The following ZFP1 variants were observed in gnomAD, a reference collection of about 807,000 sequenced individuals.
ZFP1 encodes zinc finger protein 1 homolog.
ZFP1 carries 32 observed loss-of-function variants against 38.5 expected under a neutral mutation model. The ratio of observed to expected loss-of-function variants is 0.83; its 90% CI spans 0.63 to 1.12. The LOEUF (loss-of-function observed/expected upper bound fraction) is 1.12, where lower values mean the gene tolerates loss of function less well. Among genes scored for constraint, ZFP1 ranks in the 50% most tolerant of loss-of-function variants. The probability of loss-of-function intolerance (pLI) is 0.00; values close to 1 mark genes in which losing one functional copy is unlikely to be tolerated. For synonymous variants in ZFP1, 245 were observed against 168.8 expected, an observed-to-expected ratio of 1.45 and a Z score of -3.50; for missense variants, 616 against 480.8, an observed-to-expected ratio of 1.28 and a Z score of -2.63.
At chr16:75,123,825 C>T in the ZFP1 span, among the ~76,000 whole-genome samples, 1 of 150,298 alleles carries the variant, frequency 6.7e-6, no homozygotes, top group Non-Finnish European at 1.5e-5. Flanking sequence ...GGTGTGGTGG[C>T]TCACACCTGT....
chr16:75,121,990 A>G, the ZFP1 span, among the ~76,000 whole-genome samples: 2 of 152,140 alleles, frequency 1.3e-5, no homozygotes, highest in African/African-American at 4.8e-5. Context: ...AAAACTGTAT[A>G]CCCAGCCCAA....
the ZFP1 span, among the ~76,000 whole-genome samples, chr16:75,135,262 C>CCAACTGTAAG: frequency 6.5e-5 from 1 of 15,494 alleles, no homozygotes; most frequent in African/African-American, 3.3e-4. Flanking sequence ...AGATCCTTCA[C>CCAACTGTAAG]TCATTCATAC....
In ZFP1 at chr16:75,166,832, C is replaced by G; in HGVS notation, c.78C>G (p.Asp26Glu). Residue 26 changes from aspartate to glutamate, a missense_variant, in exon 3 of 4, where the codon GAC (aspartate) becomes GAG (glutamate). Transcript: ENST00000570010. ...CCCAGGAGGAATGGGAACAACTGGA[C>G]CCCTCTCAGAGGATCCTATACATGG... ...DFTQEEWEQL[D>E]PSQRILYMDV... 6.2e-7 allele frequency: 1 copy of G among 1,614,138 alleles called. No individual in the cohort carries two copies. Among genetic ancestry groups the G allele is most frequent in the Non-Finnish European group, 8.5e-7 (1 of 1,180,018 alleles).
Position 75,171,730 on chromosome 16 carries a change from C to T in ZFP1, c.*1396C>T, listed in dbSNP as rs1267756123. 1 of 152,194 alleles carries T rather than the reference C, an allele frequency of 6.6e-6. No individual in the cohort carries two copies. The highest frequency in any genetic ancestry group is 1.5e-5 in the Non-Finnish European group (1 of 68,044). The allele number at this position is 152,194 out of a possible 1,614,324, so 9.4% of individuals were successfully genotyped here. A position where few individuals can be genotyped will look rare whatever the true frequency, so the allele number is the denominator to read the frequency against. On this transcript the variant is annotated 3_prime_UTR_variant, in exon 4 of 4. Coordinates refer to ENST00000570010, the MANE Select transcript of ZFP1 (RefSeq NM_153688.4). Reference sequence around the variant, plus strand: ...TTTGGATATCATTGATGTGCTGTCACACTATATATTGAGTGACTTTCTGAA... The same window carrying T: ...TTTGGATATCATTGATGTGCTGTCATACTATATATTGAGTGACTTTCTGAA...
chr16:75,138,024 C>CTTTTTTTTTTTTTTTT, the ZFP1 span, among the ~76,000 whole-genome samples: 1 of 64,936 alleles, frequency 1.5e-5, no homozygotes, highest in African/African-American at 7.4e-5. Context: ...CTCCCACTTC[C>CTTTTTTTTTTTTTTTT]TTTTTTTTTT....
chr16:75,168,248 T>G (rs1244380594), intron 3 of ZFP1, among the ~76,000 whole-genome samples: 1 of 152,208 alleles, frequency 6.6e-6, no homozygotes, highest in African/African-American at 2.4e-5. Flanking sequence ...TGAACTAATT[T>G]AAATTCCCAC....
intron 2 of ZFP1, among the ~76,000 whole-genome samples, chr16:75,161,199 C>T (rs961324379): frequency 8.5e-5 from 13 of 152,118 alleles, no homozygotes; most frequent in African/African-American, 2.9e-4. Flanking sequence ...TCCCGAGTAG[C>T]TGGGATTACA....
At chr16:75,158,331 T>A (rs1330965495) in intron 2 of ZFP1, among the ~76,000 whole-genome samples, 1 of 151,198 alleles carries the variant, frequency 6.6e-6, no homozygotes, top group Non-Finnish European at 1.5e-5. Flanking sequence ...CCTATTTCTG[T>A]CTATTTTTTT....
the ZFP1 span, among the ~76,000 whole-genome samples, chr16:75,131,319 G>A: frequency 2.6e-5 from 4 of 152,122 alleles, no homozygotes; most frequent in Non-Finnish European, 5.9e-5. Context: ...TTGAGGATGA[G>A]CAGCAGTTTT....
the ZFP1 span, among the ~76,000 whole-genome samples, chr16:75,125,136 G>A: frequency 0.38 from 58,000 of 151,764 alleles, 12,280 homozygotes; most frequent in Middle Eastern, 0.55. Flanking sequence ...GCACGCACCT[G>A]TAATCCCAGC....
chr16:75,168,409 G>A (rs188606638), intron 3 of ZFP1, among the ~76,000 whole-genome samples: 8 of 151,900 alleles, frequency 5.3e-5, no homozygotes, highest in Admixed American at 1.3e-4. Flanking sequence ...AGCCCAGGAG[G>A]TCAAGGCTGC....
the ZFP1 span, among the ~76,000 whole-genome samples, chr16:75,123,778 A>G: frequency 6.6e-6 from 1 of 150,882 alleles, no homozygotes; most frequent in Non-Finnish European, 1.5e-5. Context: ...ACACAGGCCA[A>G]AAACATTCTT....
At chr16:75,124,266 C>A in the ZFP1 span, among the ~76,000 whole-genome samples, 2 of 149,480 alleles carry the variant, frequency 1.3e-5, no homozygotes, top group Non-Finnish European at 3.0e-5. Flanking sequence ...TCAAGCGATT[C>A]TCCTGCCTCA....
intron 2 of ZFP1, among the ~76,000 whole-genome samples, chr16:75,160,311 T>A (rs1232268005): frequency 2.0e-5 from 3 of 152,142 alleles, no homozygotes; most frequent in Non-Finnish European, 2.9e-5. Context: ...GGTGGGTGGA[T>A]CCCTTGAGGG....
chr16:75,165,215 T>G (rs2038004452), intron 2 of ZFP1, among the ~76,000 whole-genome samples: 1 of 152,186 alleles, frequency 6.6e-6, no homozygotes, highest in African/African-American at 2.4e-5. Flanking sequence ...AGAGACTACA[T>G]GTAGCCTGAA....
At chr16:75,147,223 T>C (rs1003106822), upstream of ZFP1, among the ~76,000 whole-genome samples, 4 of 152,104 alleles carry the variant, frequency 2.6e-5, no homozygotes, top group Admixed American at 6.6e-5. Context: ...TCAAGACCCA[T>C]AGAATGTACA....
chr16:75,162,670 C>T (rs777349446), intron 2 of ZFP1, among the ~76,000 whole-genome samples: 1 of 152,146 alleles, frequency 6.6e-6, no homozygotes, highest in African/African-American at 2.4e-5. Flanking sequence ...CCCCTCCCTT[C>T]CCTACCAGTA....
At chr16:75,141,521 T>C in the ZFP1 span, among the ~76,000 whole-genome samples, 12 of 151,974 alleles carry the variant, frequency 7.9e-5, no homozygotes, top group Non-Finnish European at 1.5e-4. Context: ...GGGTCATTCT[T>C]GTCATATCCA....
chr16:75,154,050 C>A (rs894702002), intron 2 of ZFP1, among the ~76,000 whole-genome samples: 1 of 152,034 alleles, frequency 6.6e-6, no homozygotes, highest in Admixed American at 6.6e-5. Context: ...AACCCCGTCT[C>A]TAGTAAAAAA....
Sources: gnomAD v4.1 joint callset for allele counts (sites outside exome capture counted in the v4.1 genomes callset) on GRCh38, gnomAD v4.1.1 for gene constraint, MANE v1.5 for transcripts, NCBI Gene and HGNC (gene_info 2026-07-23, HGNC 2026-07-21) for gene names.